The following ELFN2 variants were observed in gnomAD, a reference collection of about 807,000 sequenced individuals.
ELFN2 encodes extracellular leucine rich repeat and fibronectin type III domain containing 2.
In ELFN2, 17 loss-of-function variants were observed where a neutral mutation model predicts 45.5. The observed-to-expected ratio is 0.37, with a 90% CI of 0.26 to 0.56. The LOEUF (loss-of-function observed/expected upper bound fraction) is 0.56. Among genes scored for constraint, ELFN2 ranks in the 20% least tolerant of loss-of-function variants. The pLI is 0.77. For missense variants in ELFN2, 922 were observed against 1,183.2 expected, an observed-to-expected ratio of 0.78 and a Z score of 3.24; for synonymous variants, 550 against 551.5, an observed-to-expected ratio of 1.00 and a Z score of 0.04.
chr22:37,383,586 C>A (rs1023222994), intron 2 of ELFN2, among the ~76,000 whole-genome samples: 5 of 152,226 alleles, frequency 3.3e-5, no homozygotes, highest in African/African-American at 1.2e-4. Flanking sequence ...GAAACAGGGA[C>A]CGGGCCCAGG....
At chr22:37,396,892 T>C (rs977352211) in intron 2 of ELFN2, among the ~76,000 whole-genome samples, 5 of 152,160 alleles carry the variant, frequency 3.3e-5, no homozygotes, top group African/African-American at 1.2e-4. Context: ...TCCAAGTCCA[T>C]GCCAGGACAG....
At chr22:37,403,466 C>T (rs139273258) in intron 2 of ELFN2, among the ~76,000 whole-genome samples, 208 of 152,286 alleles carry the variant, frequency 1.4e-3, no homozygotes, top group African/African-American at 4.9e-3. Flanking sequence ...GTCTGGGTCC[C>T]GGTTGCCTGG....
At chr22:37,346,091 C>T (rs1240118726) in intron 1 of ELFN2, among the ~76,000 whole-genome samples, 1 of 152,200 alleles carries the variant, frequency 6.6e-6, no homozygotes, top group African/African-American at 2.4e-5. Flanking sequence ...ATGATAACAC[C>T]GGCTTGAGGT....
chr22:37,373,284 A>C lies in ELFN2; in HGVS notation c.2251T>G (p.Tyr751Asp). The change falls in exon 3 of 3, where the codon TAC becomes GAC. Residue 751 changes from tyrosine (Y) to aspartate (D), a missense_variant. By Grantham distance (160) the Tyr-to-Asp change is radical. Transcript: ENST00000402918. ...STYSQLSPRH[Y>D]YSGYSSSPEY... ...GGGCTGGAGGAGTACCCTGAGTAGT[A>C]GTGTCTGGGGGAGAGCTGCGAGTAG... 1 of 1,613,690 alleles carries C rather than the reference A, an allele frequency of 6.2e-7. No homozygotes were observed. Among genetic ancestry groups the C allele is most frequent in the Non-Finnish European group, 8.5e-7 (1 of 1,179,892 alleles).
intron 2 of ELFN2, among the ~76,000 whole-genome samples, chr22:37,403,486 C>T (rs1932416575): frequency 6.6e-6 from 1 of 152,174 alleles, no homozygotes; most frequent in Non-Finnish European, 1.5e-5. Context: ...GGCAACAGGA[C>T]TAATTAATTC....
chr22:37,391,918 G>A (rs1393126461), intron 2 of ELFN2, among the ~76,000 whole-genome samples: 2 of 152,192 alleles, frequency 1.3e-5, no homozygotes, highest in Admixed American at 6.5e-5. Context: ...TGGCCCTCGC[G>A]TGGCTGGGTG....
At chr22:37,364,166 T>C (rs1365961932), downstream of ELFN2, among the ~76,000 whole-genome samples, 1 of 152,046 alleles carries the variant, frequency 6.6e-6, no homozygotes, top group Non-Finnish European at 1.5e-5. Context: ...AAGCCTCCCT[T>C]GGCCAAGGAC....
intron 1 of ELFN2, among the ~76,000 whole-genome samples, chr22:37,420,666 C>T (rs545813897): frequency 3.3e-4 from 50 of 152,314 alleles, no homozygotes; most frequent in African/African-American, 6.7e-4. Context: ...TGACCGCACA[C>T]GCTGCCTCCG....
At chr22:37,381,849 C>T (rs985012119) in intron 2 of ELFN2, among the ~76,000 whole-genome samples, 4 of 150,018 alleles carry the variant, frequency 2.7e-5, no homozygotes, top group Non-Finnish European at 5.9e-5. Context: ...CCAGCTACTC[C>T]GGAGGCTGAG....
chr22:37,341,361 C>T (rs1930555844), intron 2 of ELFN2, among the ~76,000 whole-genome samples: 5 of 152,208 alleles, frequency 3.3e-5, no homozygotes, highest in Admixed American at 3.3e-4. Context: ...ATCTCAGGCC[C>T]TCCTGTGCAG....
downstream of ELFN2, among the ~76,000 whole-genome samples, chr22:37,364,975 G>T (rs1443973617): frequency 6.6e-6 from 1 of 152,228 alleles, no homozygotes; most frequent in African/African-American, 2.4e-5. Flanking sequence ...TGACAAAAAT[G>T]AACAGCAGAT....
chr22:37,346,511 A>C (rs958410854), intron 1 of ELFN2, among the ~76,000 whole-genome samples: 5 of 151,870 alleles, frequency 3.3e-5, no homozygotes, highest in Non-Finnish European at 2.9e-5. Context: ...GCAAAAGTTC[A>C]TTCTGAAAGA....
chr22:37,409,386 G>C (rs1932590479), intron 2 of ELFN2, among the ~76,000 whole-genome samples: 1 of 152,166 alleles, frequency 6.6e-6, no homozygotes, highest in Non-Finnish European at 1.5e-5. Flanking sequence ...TGGTCTCCCG[G>C]CACCACCTTC....
rs565878793 is a variant in ELFN2 at position 37,375,934 on chromosome 22, C to T, written c.-400G>A. On this transcript the variant is annotated 5_prime_UTR_variant, in exon 3 of 3. Transcript: ENST00000402918. Reference sequence around the variant, plus strand: ...ATTCCCACAGGAGGCTGGAGAGTGCCGCACTGAGCCAGGAGTGAGAGAGAT... The same window carrying T: ...ATTCCCACAGGAGGCTGGAGAGTGCTGCACTGAGCCAGGAGTGAGAGAGAT... 22 of 278,546 alleles carry T rather than the reference C, an allele frequency of 7.9e-5. No individual in the cohort carries two copies. The highest frequency in any genetic ancestry group is 6.2e-4 in the South Asian group (11 of 17,740). The allele number at this position is 278,546 out of a possible 1,614,324, so 17.3% of individuals were successfully genotyped here.
intron 2 of ELFN2, among the ~76,000 whole-genome samples, chr22:37,394,923 C>T (rs2003821): frequency 0.27 from 40,672 of 151,524 alleles, 5,818 homozygotes; most frequent in South Asian, 0.39. Context: ...GCCAACATAG[C>T]GAAACCCCGT....
At chr22:37,386,489 C>T (rs1931949344) in intron 2 of ELFN2, among the ~76,000 whole-genome samples, 1 of 152,212 alleles carries the variant, frequency 6.6e-6, no homozygotes, top group Non-Finnish European at 1.5e-5. Context: ...AACCTCTAAC[C>T]AGGCGATCGC....
At chr22:37,421,999 G>GC (rs1932812510) in intron 1 of ELFN2, among the ~76,000 whole-genome samples, 1 of 152,214 alleles carries the variant, frequency 6.6e-6, no homozygotes, top group Non-Finnish European at 1.5e-5. Flanking sequence ...TTGGGACTAG[G>GC]CCCACGGCAG....
Position 37,405,089 on chromosome 22 carries a change from C to CTTTTTTTTTTTTTTTTTTTTTTT in ELFN2, c.-463+12679_-463+12680insAAAAAAAAAAAAAAAAAAAAAAA. Among the ~76,000 whole-genome samples, 2 of 121,534 alleles carry CTTTTTTTTTTTTTTTTTTTTTTT rather than the reference C, an allele frequency of 1.6e-5. 1 individual carries two copies. Among genetic ancestry groups the CTTTTTTTTTTTTTTTTTTTTTTT allele is most frequent in the Non-Finnish European group, 3.3e-5 (2 of 61,044 alleles). 79.7% of individuals were successfully genotyped at this position (121,534 alleles called of 152,430 possible). A position where few individuals can be genotyped will look rare whatever the true frequency, so the allele number is the denominator to read the frequency against. ...GGCCCCTCACCTCCCTGAACCTCAGCATTTTTTTTTTTTTTTTTTTTTTGA... is the reference window on the plus strand; with the variant it reads ...GGCCCCTCACCTCCCTGAACCTCAGCTTTTTTTTTTTTTTTTTTTTTTTATTTTTTTTTTTTTTTTTTTTTTGA... On this transcript the variant is annotated intron_variant, in intron 2 of 2. Coordinates refer to ENST00000402918, the MANE Select transcript of ELFN2 (RefSeq NM_052906.5).
intron 2 of ELFN2, among the ~76,000 whole-genome samples, chr22:37,405,833 A>AAGG: frequency 8.0e-6 from 1 of 125,754 alleles, no homozygotes; most frequent in Non-Finnish European, 1.6e-5. Context: ...AAAAAAAAAA[A>AAGG]GGGTGGAGGG....
Sources: allele counts gnomAD v4.1 joint callset (sites outside exome capture counted in the v4.1 genomes callset), GRCh38; gene constraint gnomAD v4.1.1; transcripts MANE v1.5; gene names NCBI Gene and HGNC (gene_info 2026-07-23, HGNC 2026-07-21).